Variants in GLRA3 observed in about 807,000 individuals in gnomAD.
The protein encoded by GLRA3 is glycine receptor alpha 3.
Under a neutral mutation model 60.4 loss-of-function variants are expected in GLRA3, and 44 were observed. The ratio of observed to expected loss-of-function variants is 0.73; its 90% CI spans 0.57 to 0.94. The LOEUF (loss-of-function observed/expected upper bound fraction) is 0.94. Among genes scored for constraint, GLRA3 ranks in the 40% least tolerant of loss-of-function variants. The pLI is 0.00. For synonymous variants in GLRA3, 223 were observed against 192.9 expected (o/e 1.16, Z -1.29); for missense variants, 508 against 564.6 (o/e 0.90, Z 1.02).
At chr4:174,809,062 G>C (rs913729469) in intron 1 of GLRA3, among the ~76,000 whole-genome samples, 1 of 152,138 alleles carries the variant, frequency 6.6e-6, no homozygotes, top group Non-Finnish European at 1.5e-5. Context: ...CTCACTCACT[G>C]ACTCACTTAA....
chr4:174,713,632 C>T (rs186275126), intron 5 of GLRA3: 5 of 152,316 alleles, frequency 3.3e-5, no homozygotes, highest in African/African-American at 1.2e-4. Flanking sequence ...TTACACAGAA[C>T]TCCTTCACAG....
At chr4:174,720,576 T>C (rs940532897) in intron 4 of GLRA3, among the ~76,000 whole-genome samples, 1 of 152,200 alleles carries the variant, frequency 6.6e-6, no homozygotes, top group African/African-American at 2.4e-5. Context: ...CTTGATCCTC[T>C]TGTGCTCCTA....
intron 3 of GLRA3, among the ~76,000 whole-genome samples, chr4:174,749,571 C>T (rs1239002450): frequency 6.6e-6 from 1 of 152,070 alleles, no homozygotes; most frequent in Non-Finnish European, 1.5e-5. Context: ...GTATTGAAAG[C>T]CATAGCAAAG....
intron 9 of GLRA3, 114 bp downstream of exon 9, chr4:174,656,629 A>T (rs1285992106): frequency 6.8e-6 from 4 of 584,838 alleles, no homozygotes; most frequent in Non-Finnish European, 1.3e-5. Flanking sequence ...TCAGCTTTCA[A>T]TACAAAAGGG....
intron 2 of GLRA3, among the ~76,000 whole-genome samples, chr4:174,770,228 C>G (rs1213808654): frequency 1.3e-5 from 2 of 152,084 alleles, no homozygotes; most frequent in African/African-American, 4.8e-5. Flanking sequence ...TCCTATACTA[C>G]ACATTGAAAT....
intron 8 of GLRA3, among the ~76,000 whole-genome samples, chr4:174,658,763 A>G (rs977625977): frequency 6.6e-6 from 1 of 152,228 alleles, no homozygotes; most frequent in African/African-American, 2.4e-5. Context: ...AAGAAATGAC[A>G]TAATTCATTA....
chr4:174,673,936 T>C (rs1579424144), intron 7 of GLRA3, among the ~76,000 whole-genome samples: 3 of 152,172 alleles, frequency 2.0e-5, no homozygotes, highest in African/African-American at 4.8e-5. Context: ...GAATTTTCCA[T>C]GTTCAATTCA....
chr4:174,666,024 C>T (rs1733652720), intron 7 of GLRA3, among the ~76,000 whole-genome samples: 1 of 152,050 alleles, frequency 6.6e-6, no homozygotes, highest in South Asian at 2.1e-4. Context: ...CACATGGCTA[C>T]CAAGTTGCAA....
Position 174,765,131 on chromosome 4 carries a change from G to A in GLRA3, c.267+1832C>T, listed in dbSNP as rs562346244. On this transcript the variant is annotated intron_variant, in intron 3 of 9. Transcript: ENST00000274093. ...AGGAGAGAAATAAAACTTATGGTGA[G>A]AGTGTGTTTGCAATATCCTGCAAGC... 7.9e-5 allele frequency among the ~76,000 whole-genome samples: 12 copies of A among 152,122 alleles called. No individual in the cohort carries two copies. In the South Asian group the frequency reaches 8.3e-4, roughly 11 times the overall value.
intron 1 of GLRA3, among the ~76,000 whole-genome samples, chr4:174,794,618 C>T (rs1468235793): frequency 6.6e-6 from 1 of 152,122 alleles, no homozygotes; most frequent in African/African-American, 2.4e-5. Flanking sequence ...ATTTAAAAAG[C>T]AAGATAGTTA....
intron 6 of GLRA3, 99 bp downstream of exon 6, chr4:174,682,703 A>G (rs1734397344): frequency 7.5e-6 from 6 of 800,390 alleles, no homozygotes; most frequent in African/African-American, 3.4e-5. Flanking sequence ...AAAAACATTG[A>G]TCTATGAACA....
At chr4:174,715,757 G>A (rs1358085806) in intron 4 of GLRA3, among the ~76,000 whole-genome samples, 187 bp from the exon 5 acceptor site, 1 of 152,104 alleles carries the variant, frequency 6.6e-6, no homozygotes, top group Non-Finnish European at 1.5e-5. Context: ...TTGGTGGGCT[G>A]GGGGTTGGAT....
intron 1 of GLRA3, among the ~76,000 whole-genome samples, chr4:174,800,424 T>A (rs1257009393): frequency 6.6e-6 from 1 of 152,144 alleles, no homozygotes; most frequent in Non-Finnish European, 1.5e-5. Context: ...GATTTCTACA[T>A]CAGACATTCT....
chr4:174,724,711 T>C (rs2111122125), intron 4 of GLRA3, among the ~76,000 whole-genome samples: 1 of 152,286 alleles, frequency 6.6e-6, no homozygotes, highest in Middle Eastern at 3.4e-3. Context: ...CAGATTTACT[T>C]GTGATTAATT....
rs983343009 is a variant in GLRA3, at chr4:174,638,066, A to G, written c.*5720T>C. On this transcript the variant is annotated 3_prime_UTR_variant, in exon 10 of 10. Coordinates refer to ENST00000274093, the MANE Select transcript of GLRA3 (RefSeq NM_006529.4). ...GCTAGTTGTCTTATAGGAGGGGAAT[A>G]AACTTACTTGGTATTTTAGGAAGTA... The G allele has an allele frequency of 3.3e-5, 5 of 152,164 alleles. No homozygotes were observed. The highest frequency in any genetic ancestry group is 1.2e-4 in the African/African-American group (5 of 41,452). 9.4% of individuals were successfully genotyped at this position (152,164 alleles called of 1,614,324 possible). A position where few individuals can be genotyped will look rare whatever the true frequency, so the allele number is the denominator to read the frequency against.
At chr4:174,804,731 C>T (rs978863486) in intron 1 of GLRA3, among the ~76,000 whole-genome samples, 10 of 152,088 alleles carry the variant, frequency 6.6e-5, no homozygotes, top group African/African-American at 1.9e-4. Context: ...GCACAGAACG[C>T]GCGGTCCTGG....
rs1281695077 is a variant in GLRA3 at position 174,790,844 on chromosome 4, AAAGAAAG to A, written c.72-1908_72-1902del. Among the ~76,000 whole-genome samples the A allele has an allele frequency of 1.4e-5, 2 of 146,960 alleles. 1 individual carries two copies. ...AAAATACAAAAAAAAAAAAAAAAAA[AAAGAAAG>A]AAATTAGCCGGGCGTAGTGGCGGGC... On this transcript the variant is annotated intron_variant, in intron 1 of 9. Transcript: ENST00000274093.
chr4:174,653,390 A>G (rs764822651), intron 9 of GLRA3, among the ~76,000 whole-genome samples: 16 of 151,954 alleles, frequency 1.1e-4, no homozygotes, highest in Non-Finnish European at 1.9e-4. Context: ...AAATAATGCA[A>G]TTATAGATGA....
At chr4:174,820,822 C>T (rs937956503) in intron 1 of GLRA3, among the ~76,000 whole-genome samples, 4 of 152,182 alleles carry the variant, frequency 2.6e-5, no homozygotes, top group Non-Finnish European at 5.9e-5. Context: ...GATTTCCTCA[C>T]ACCCTACTGC....
Sources: allele counts gnomAD v4.1 joint callset (sites outside exome capture counted in the v4.1 genomes callset), GRCh38; gene constraint gnomAD v4.1.1; transcripts MANE v1.5; gene names NCBI Gene and HGNC (gene_info 2026-07-23, HGNC 2026-07-21).